ERC2: variants seen among roughly 807,000 people sequenced by gnomAD.
The protein encoded by ERC2 is ELKS/RAB6-interacting/CAST family member 2, also known as ERC protein 2.
In ERC2, 42 loss-of-function variants were observed where a neutral mutation model predicts 114.8. The ratio of observed to expected loss-of-function variants is 0.37; its 90% CI spans 0.29 to 0.47. The LOEUF (loss-of-function observed/expected upper bound fraction) is 0.47, where lower values mean the gene tolerates loss of function less well. ERC2 is among the 20% of genes least tolerant of loss of function. The pLI is 0.99. For synonymous variants in ERC2, 454 were observed against 425.5 expected (o/e 1.07, Z -0.82); for missense variants, 939 against 1,150.7 (o/e 0.82, Z 2.66).
chr3:56,410,526 C>A (rs1199911821), intron 2 of ERC2, among the ~76,000 whole-genome samples: 1 of 152,122 alleles, frequency 6.6e-6, no homozygotes, highest in Non-Finnish European at 1.5e-5. Context: ...TAAAATAACG[C>A]CAGTTTACAG....
At chr3:56,084,669 T>C (rs1465833467) in intron 6 of ERC2, among the ~76,000 whole-genome samples, 1 of 151,990 alleles carries the variant, frequency 6.6e-6, no homozygotes, top group Non-Finnish European at 1.5e-5. Flanking sequence ...CACAGATGCA[T>C]GTGAAGTCGT....
Position 55,834,818 on chromosome 3 carries a change from T to C in ERC2, c.2564+53571A>G, listed in dbSNP as rs1350467373. Reference sequence around the variant, plus strand: ...AACCCTTCAAAACCAGGAGCTGGTTTTTTGAAAGGATCAACAAAACTGATA... The same window carrying C: ...AACCCTTCAAAACCAGGAGCTGGTTCTTTGAAAGGATCAACAAAACTGATA... On this transcript the variant is annotated intron_variant, in intron 14 of 17. Coordinates refer to ENST00000288221, the MANE Select transcript of ERC2 (RefSeq NM_015576.3). Among the ~76,000 whole-genome samples the C allele has an allele frequency of 2.4e-5, 3 of 127,132 alleles. 1 individual carries two copies. The highest frequency in any genetic ancestry group is 4.7e-5 in the Non-Finnish European group (3 of 63,606). 83.4% of individuals were successfully genotyped at this position (127,132 alleles called of 152,430 possible).
chr3:55,977,008 A>T (rs565922436), intron 12 of ERC2, among the ~76,000 whole-genome samples: 1 of 152,356 alleles, frequency 6.6e-6, no homozygotes, highest in East Asian at 1.9e-4. Context: ...CACAGAGAGA[A>T]GGCTCTATCC....
chr3:55,697,349 C>G (rs1002332955), intron 16 of ERC2, among the ~76,000 whole-genome samples: 1 of 152,164 alleles, frequency 6.6e-6, no homozygotes, highest in African/African-American at 2.4e-5. Flanking sequence ...AGTGAAAGAC[C>G]ATCACCATCT....
intron 7 of ERC2, among the ~76,000 whole-genome samples, chr3:56,025,317 G>T (rs2073971365): frequency 6.6e-6 from 1 of 152,182 alleles, no homozygotes; most frequent in Non-Finnish European, 1.5e-5. Flanking sequence ...AAATTTAGCA[G>T]CTTAACAGCA....
At chr3:56,016,427 CTT>C (rs11430130) in intron 8 of ERC2, among the ~76,000 whole-genome samples, 1 of 141,240 alleles carries the variant, frequency 7.1e-6, no homozygotes, top group African/African-American at 2.6e-5. Context: ...CTTTTTTTTT[CTT>C]TTTTTTTTTT....
chr3:55,829,949 A>C (rs2060498916), intron 14 of ERC2, among the ~76,000 whole-genome samples: 1 of 152,232 alleles, frequency 6.6e-6, no homozygotes, highest in African/African-American at 2.4e-5. Flanking sequence ...ATAAATATAC[A>C]ACTCAAAAAG....
chr3:56,084,868 A>T (rs1214247001), intron 6 of ERC2, among the ~76,000 whole-genome samples: 1 of 35,650 alleles, frequency 2.8e-5, no homozygotes, highest in Admixed American at 2.5e-4. Context: ...TTTAAAAATT[A>T]AAAAAAAAAA....
At chr3:56,344,696 T>C (rs560802087) in intron 2 of ERC2, among the ~76,000 whole-genome samples, 2 of 152,366 alleles carry the variant, frequency 1.3e-5, no homozygotes, top group Admixed American at 6.5e-5. Flanking sequence ...AATTGGAGCA[T>C]TTCCACTAAT....
Position 56,145,983 on chromosome 3 carries a change from C to A in ERC2, c.1305+2994G>T, listed in dbSNP as rs112022962. On this transcript the variant is annotated intron_variant, in intron 5 of 17. Transcript: ENST00000288221. ...TCCCAGGCTTAAATGAGGAATCACA[C>A]TCATCACTCAAAGTAGAATTGGGCT... Among the ~76,000 whole-genome samples the A allele has an allele frequency of 2.4e-3, 366 of 152,192 alleles. 8 individuals carry two copies. The highest frequency in any genetic ancestry group is 8.5e-3 in the African/African-American group (353 of 41,526).
intron 2 of ERC2, among the ~76,000 whole-genome samples, chr3:56,383,344 C>T (rs541990975): frequency 1.2e-4 from 18 of 152,258 alleles, no homozygotes; most frequent in East Asian, 7.7e-4. Flanking sequence ...TTCCATGATC[C>T]GGTGCCTTTC....
chr3:56,050,748 T>C (rs999728395), intron 7 of ERC2, among the ~76,000 whole-genome samples: 7 of 152,208 alleles, frequency 4.6e-5, no homozygotes, highest in Non-Finnish European at 8.8e-5. Flanking sequence ...AATCTTAGCT[T>C]GACTTTTGTT....
At chr3:55,971,496 T>G (rs2069151919) in intron 12 of ERC2, among the ~76,000 whole-genome samples, 1 of 152,202 alleles carries the variant, frequency 6.6e-6, no homozygotes, top group Non-Finnish European at 1.5e-5. Context: ...TCTAGAAATT[T>G]TTTAGGCATA....
chr3:56,120,763 C>A (rs2079529783), intron 6 of ERC2, among the ~76,000 whole-genome samples: 2 of 152,178 alleles, frequency 1.3e-5, no homozygotes, highest in Non-Finnish European at 2.9e-5. Flanking sequence ...TTCATTCAGA[C>A]CTTCCACACC....
chr3:56,203,347 T>C (rs1246812364), intron 3 of ERC2, among the ~76,000 whole-genome samples: 11 of 152,212 alleles, frequency 7.2e-5, no homozygotes, highest in Non-Finnish European at 2.9e-5. Flanking sequence ...TTTCGTCCAC[T>C]TTTGTAGTTC....
chr3:55,707,302 G>A (rs62249279), intron 15 of ERC2, among the ~76,000 whole-genome samples: 4,178 of 152,246 alleles, frequency 0.027, 74 homozygotes, highest in Middle Eastern at 0.058. Flanking sequence ...AGCTAAGTGT[G>A]GTGGTGCATG....
Position 55,851,225 on chromosome 3 carries a change from C to A in ERC2, c.2564+37164G>T, listed in dbSNP as rs562284124. On this transcript the variant is annotated intron_variant, in intron 14 of 17. Transcript: ENST00000288221. The stretch of plus-strand genomic sequence containing the variant: ...GGGAGTTGGTGGCAGGATGAGAATG[C>A]ACATGGTAACAGGACAACAGTGGGT... Among the ~76,000 whole-genome samples the A allele has an allele frequency of 4.0e-5, 6 of 149,492 alleles. No homozygotes were observed. In the South Asian group the frequency reaches 1.3e-3, roughly 34 times the overall value.
intron 17 of ERC2, among the ~76,000 whole-genome samples, chr3:55,626,932 T>A (rs937147983): frequency 6.6e-6 from 1 of 152,244 alleles, no homozygotes; most frequent in Non-Finnish European, 1.5e-5. Context: ...ACAGGTCAAA[T>A]GGATTAGTGC....
intron 3 of ERC2, among the ~76,000 whole-genome samples, chr3:56,240,782 T>A (rs182663178): frequency 1.3e-5 from 2 of 152,216 alleles, no homozygotes; most frequent in Non-Finnish European, 2.9e-5. Context: ...CAAATACTTG[T>A]AGAATAAATG....
Sources: gnomAD v4.1 joint callset for allele counts (sites outside exome capture counted in the v4.1 genomes callset) on GRCh38, gnomAD v4.1.1 for gene constraint, MANE v1.5 for transcripts, NCBI Gene and HGNC (gene_info 2026-07-23, HGNC 2026-07-21) for gene names.